The following PHF20 variants were observed in gnomAD, a reference collection of about 807,000 sequenced individuals.
PHF20 encodes glioma-expressed antigen 2.
A neutral mutation model predicts 113.5 loss-of-function variants in PHF20; 23 were observed. That is an observed-to-expected ratio of 0.20 (90% CI 0.15 to 0.29). PHF20 has a LOEUF of 0.29. Among genes scored for constraint, PHF20 ranks in the 10% least tolerant of loss-of-function variants. The pLI is 1.00. For missense variants in PHF20, 943 were observed against 1,219.6 expected, an observed-to-expected ratio of 0.77 and a Z score of 3.38; for synonymous variants, 434 against 457.3, an observed-to-expected ratio of 0.95 and a Z score of 0.65.
intron 8 of PHF20, 27 bp from the exon 9 acceptor site, chr20:35,871,623 C>A (rs1198574378): frequency 2.6e-6 from 4 of 1,565,010 alleles, no homozygotes; most frequent in Non-Finnish European, 3.5e-6. Flanking sequence ...ATGTATATTT[C>A]CCCCAAACTT....
chr20:35,908,366 T>A (rs2055237931), intron 10 of PHF20, among the ~76,000 whole-genome samples: 1 of 152,250 alleles, frequency 6.6e-6, no homozygotes, highest in South Asian at 2.1e-4. Flanking sequence ...ATGACCACTA[T>A]CTTTAGCCAG....
At chr20:35,822,712 C>T (rs1201583376) in intron 2 of PHF20, among the ~76,000 whole-genome samples, 5 of 151,432 alleles carry the variant, frequency 3.3e-5, no homozygotes. Context: ...GTGGCTTGCA[C>T]CTGTAGTCCT....
At chr20:35,815,165 C>G (rs1568602247) in intron 2 of PHF20, among the ~76,000 whole-genome samples, 1 of 151,950 alleles carries the variant, frequency 6.6e-6, no homozygotes, top group Non-Finnish European at 1.5e-5. Flanking sequence ...ACACTGGACT[C>G]CATCCTGGGT....
At chr20:35,946,783 C>G (rs940798929) in intron 17 of PHF20, among the ~76,000 whole-genome samples, 1 of 151,720 alleles carries the variant, frequency 6.6e-6, no homozygotes, top group African/African-American at 2.4e-5. Flanking sequence ...GATCTCGGCT[C>G]ACTGCGACCT....
intron 9 of PHF20, among the ~76,000 whole-genome samples, chr20:35,876,229 T>TC (rs2054518478): frequency 6.8e-6 from 1 of 146,500 alleles, no homozygotes; most frequent in African/African-American, 2.5e-5. Context: ...CATTACTGTA[T>TC]TTTTTTTTTT....
At chr20:35,902,162 G>A (rs1320719927) in intron 10 of PHF20, among the ~76,000 whole-genome samples, 1 of 152,152 alleles carries the variant, frequency 6.6e-6, no homozygotes, top group Admixed American at 6.5e-5. Flanking sequence ...GAGGAATTAT[G>A]TTGAGTCATC....
intron 1 of PHF20, among the ~76,000 whole-genome samples, chr20:35,799,162 A>G (rs2041727705): frequency 6.6e-6 from 1 of 152,016 alleles, no homozygotes; most frequent in Non-Finnish European, 1.5e-5. Context: ...TCAAGAGCCA[A>G]AGTATAAGGC....
At position 35,938,729 on chromosome 20, in the gene PHF20, G is replaced by A; in HGVS notation, c.2333G>A (p.Cys778Tyr). ...SREHPDLPLW[C>Y]QPWKQHSGEG... Reference sequence around the variant, plus strand: ...GAGCATCCTGATCTGCCGCTGTGGTGCCAGCCTTGGAAACAGCACTCAGGG... The same window carrying A: ...GAGCATCCTGATCTGCCGCTGTGGTACCAGCCTTGGAAACAGCACTCAGGG... The change falls in exon 16 of 18, where the codon TGC becomes TAC. Residue 778 changes from cysteine to tyrosine, a missense_variant. Around this residue, in one of 3 missense-constraint regions of PHF20, gnomAD observed 349 missense variants for 412.3 expected, o/e 0.85. Transcript: ENST00000374012. The A allele has an allele frequency of 6.2e-7, 1 of 1,612,968 alleles. No individual in the cohort carries two copies. The highest frequency in any genetic ancestry group is 8.5e-7 in the Non-Finnish European group (1 of 1,179,392).
intron 10 of PHF20, among the ~76,000 whole-genome samples, chr20:35,901,728 A>G (rs1183164772): frequency 1.3e-5 from 2 of 152,078 alleles, no homozygotes; most frequent in Non-Finnish European, 2.9e-5. Flanking sequence ...TTGCCATCGG[A>G]TCGATCTTTA....
At position 35,938,931 on chromosome 20, in the gene PHF20, C is replaced by T. The variant is rs17347322; in HGVS notation, c.2535C>T (p.Arg845=). The stretch of plus-strand genomic sequence containing the variant: ...GTGAGCATTGCTACCAGAAGCCCCG[C>T]GCCTATTACCCTGCCGTGGAGCAGA... ...ITSEHCYQKP[R]AYYPAVEQKL... Residue 845 remains arginine, a synonymous_variant, in exon 16 of 18, where the codon CGC becomes CGT. Coordinates refer to ENST00000374012, the MANE Select transcript of PHF20 (RefSeq NM_016436.5). 13,465 of 1,614,206 alleles carry T rather than the reference C, an allele frequency of 8.3e-3. 76 individuals are homozygous for T. Among genetic ancestry groups the T allele is most frequent in the Non-Finnish European group, 9.9e-3 (11,728 of 1,180,022 alleles).
At position 35,948,071 on chromosome 20, in the gene PHF20, TCA is replaced by T; in HGVS notation, c.*445_*446del. 5.9e-6 allele frequency: 1 copy of T among 168,574 alleles called. No individual in the cohort carries two copies. Among genetic ancestry groups the T allele is most frequent in the Admixed American group, 5.6e-5 (1 of 17,782 alleles). The allele number at this position is 168,574 out of a possible 1,614,324, so 10.4% of individuals were successfully genotyped here. On this transcript the variant is annotated 3_prime_UTR_variant, in exon 18 of 18. Coordinates refer to ENST00000374012, the MANE Select transcript of PHF20 (RefSeq NM_016436.5). The stretch of plus-strand genomic sequence containing the variant: ...TGGCATGGTGTTTGGGCAGCAGGCA[TCA>T]TTTTCCTTTTCTAGCTTCATAGGAA...
chr20:35,862,962 T>C (rs1045409910), intron 5 of PHF20, 51 bp from the exon 6 acceptor site: 1 of 1,500,542 alleles, frequency 6.7e-7, no homozygotes, highest in African/African-American at 1.4e-5. Context: ...CTCCTAATTT[T>C]GTATTTGCAA....
intron 2 of PHF20, among the ~76,000 whole-genome samples, chr20:35,830,298 C>T (rs1294040970): frequency 1.3e-5 from 2 of 152,186 alleles, no homozygotes; most frequent in Non-Finnish European, 2.9e-5. Flanking sequence ...TCCTGGTAAC[C>T]TCTATTCTGC....
chr20:35,839,726 G>C (rs2042508206), intron 2 of PHF20, among the ~76,000 whole-genome samples: 1 of 152,126 alleles, frequency 6.6e-6, no homozygotes, highest in African/African-American at 2.4e-5. Context: ...ATATTTTTGA[G>C]CAAGTAAGGT....
At chr20:35,879,117 T>G (rs1271439862) in intron 9 of PHF20, among the ~76,000 whole-genome samples, 2 of 152,248 alleles carry the variant, frequency 1.3e-5, no homozygotes, top group South Asian at 4.1e-4. Flanking sequence ...AGAAGAGTCC[T>G]ATTTGCCCTA....
intron 9 of PHF20, among the ~76,000 whole-genome samples, chr20:35,872,368 C>T (rs1238123339): frequency 6.6e-6 from 1 of 152,016 alleles, no homozygotes; most frequent in Non-Finnish European, 1.5e-5. Flanking sequence ...ACTAAAAATA[C>T]AAAAATTAGC....
chr20:35,883,968 A>T (rs994355102), intron 9 of PHF20, among the ~76,000 whole-genome samples: 4 of 152,148 alleles, frequency 2.6e-5, no homozygotes, highest in Non-Finnish European at 5.9e-5. Flanking sequence ...GGTACAAGTG[A>T]TGTCAGTACT....
At chr20:35,797,550 A>G (rs1194307728) in intron 1 of PHF20, among the ~76,000 whole-genome samples, 1 of 151,234 alleles carries the variant, frequency 6.6e-6, no homozygotes, top group Non-Finnish European at 1.5e-5. Flanking sequence ...AAGAAACATA[A>G]AGAAGCAACC....
chr20:35,808,405 C>A (rs2041921141), intron 2 of PHF20, among the ~76,000 whole-genome samples: 1 of 151,450 alleles, frequency 6.6e-6, no homozygotes, highest in African/African-American at 2.4e-5. Context: ...TGATGTTTAT[C>A]ATAGGATCAT....
Sources: allele counts gnomAD v4.1 joint callset (sites outside exome capture counted in the v4.1 genomes callset), GRCh38; gene constraint gnomAD v4.1.1; regional missense constraint gnomAD v4.1.1; transcripts MANE v1.5; gene names NCBI Gene and HGNC (gene_info 2026-07-23, HGNC 2026-07-21).